Variants in BCHE observed in about 807,000 individuals in gnomAD.
The protein encoded by BCHE is cholinesterase.
A neutral mutation model predicts 51.3 loss-of-function variants in BCHE; 48 were observed. That is an observed-to-expected ratio of 0.94 (90% confidence interval 0.74 to 1.19). The LOEUF (loss-of-function observed/expected upper bound fraction) is 1.19, where lower values mean the gene tolerates loss of function less well. BCHE is among the 50% of genes most tolerant of loss of function. The probability of loss-of-function intolerance (pLI) is 0.00; values close to 1 mark genes in which losing one functional copy is unlikely to be tolerated. For missense variants in BCHE, 847 were observed against 708.2 expected (o/e 1.20, Z -2.23); for synonymous variants, 251 against 238.0 (o/e 1.05, Z -0.50).
In BCHE at chr3:165,773,430, A is replaced by G. The variant is rs767826363; in HGVS notation, c.1761T>C (p.Asn587=). Residue 587 remains asparagine (N), a synonymous_variant, in exon 4 of 4, where the codon AAT becomes AAC. Coordinates refer to ENST00000264381, the MANE Select transcript of BCHE (RefSeq NM_000055.4). ...RWNNYMMDWK[N]QFNDYTSKKE... ...TCTTGCTAGTGTAATCGTTAAATTG[A>G]TTTTTCCAGTCCATCATGTAATTGT... 21 of 1,610,386 alleles carry G rather than the reference A, an allele frequency of 1.3e-5. No homozygotes were observed. The highest frequency in any genetic ancestry group is 3.3e-5 in the Admixed American group (2 of 59,914).
chr3:165,800,679 A>G (rs1713602280), intron 2 of BCHE, among the ~76,000 whole-genome samples: 1 of 152,124 alleles, frequency 6.6e-6, no homozygotes, highest in African/African-American at 2.4e-5. Context: ...GAAATGGCAT[A>G]TGAGGGCTAG....
chr3:165,804,342 TAAAC>T (rs930543166), intron 2 of BCHE, among the ~76,000 whole-genome samples: 8 of 152,266 alleles, frequency 5.3e-5, no homozygotes, highest in African/African-American at 1.4e-4. Context: ...AAGTAGCTAT[TAAAC>T]AATGTGAAGT....
At chr3:165,775,943 CTT>C (rs1415101725) in intron 3 of BCHE, among the ~76,000 whole-genome samples, 1 of 151,892 alleles carries the variant, frequency 6.6e-6, no homozygotes, top group Non-Finnish European at 1.5e-5. Context: ...GTCCGCCTCT[CTT>C]TCTTTGTCTT....
Position 165,829,884 on chromosome 3 carries a change from T to A in BCHE, c.1150A>T (p.Ile384Leu), listed in dbSNP as rs146936556. ...TRKEFQEGLK[I>L]FFPGVSEFGK... Reference sequence around the variant, plus strand: ...AACTCACTCACTCCTGGAAAAAATATTTTTAAACCTTCCTGAAATTCTTTT... The same window carrying A: ...AACTCACTCACTCCTGGAAAAAATAATTTTAAACCTTCCTGAAATTCTTTT... Residue 384 changes from isoleucine (I) to leucine (L), a missense_variant, in exon 2 of 4, where the codon ATA becomes TTA. Physicochemically the swap from Ile to Leu is conservative, Grantham distance 5. Coordinates refer to ENST00000264381, the MANE Select transcript of BCHE (RefSeq NM_000055.4). The A allele has an allele frequency of 6.2e-7, 1 of 1,611,476 alleles. No homozygotes were observed. Among genetic ancestry groups the A allele is most frequent in the East Asian group, 2.2e-5 (1 of 44,848 alleles).
chr3:165,804,354 A>G (rs1412940909), intron 2 of BCHE, among the ~76,000 whole-genome samples: 1 of 152,160 alleles, frequency 6.6e-6, no homozygotes, highest in African/African-American at 2.4e-5. Context: ...AACAATGTGA[A>G]GTCTTTTTTT....
At chr3:165,813,869 A>G (rs1714202652) in intron 2 of BCHE, among the ~76,000 whole-genome samples, 1 of 152,012 alleles carries the variant, frequency 6.6e-6, no homozygotes, top group Non-Finnish European at 1.5e-5. Context: ...TATCACCTAT[A>G]ATTTAAGGTA....
At chr3:165,823,110 C>G (rs980273657) in intron 2 of BCHE, among the ~76,000 whole-genome samples, 2 of 151,972 alleles carry the variant, frequency 1.3e-5, no homozygotes, top group African/African-American at 4.8e-5. Context: ...GTAGCAATTC[C>G]AGTTAGCAAA....
intron 1 of BCHE, among the ~76,000 whole-genome samples, chr3:165,831,519 G>T (rs1576672447): frequency 6.6e-6 from 1 of 152,096 alleles, no homozygotes; most frequent in East Asian, 1.9e-4. Flanking sequence ...AACTTTTAAG[G>T]ATCAATAGAT....
intron 2 of BCHE, among the ~76,000 whole-genome samples, chr3:165,788,433 T>C (rs1713042916): frequency 6.6e-6 from 1 of 152,018 alleles, no homozygotes; most frequent in Non-Finnish European, 1.5e-5. Context: ...CCTCCTGCTT[T>C]AGGGTATTAT....
chr3:165,787,529 A>G (rs1187311209), intron 2 of BCHE, among the ~76,000 whole-genome samples: 1 of 151,952 alleles, frequency 6.6e-6, no homozygotes, highest in Middle Eastern at 3.2e-3. Context: ...CTTGAAAGGA[A>G]ATTACCTGAT....
At chr3:165,783,104 T>C (rs1712772465) in intron 3 of BCHE, among the ~76,000 whole-genome samples, 1 of 149,896 alleles carries the variant, frequency 6.7e-6, no homozygotes, top group Admixed American at 6.6e-5. Context: ...TCTGCCATCA[T>C]AATTAAGAAA....
intron 2 of BCHE, among the ~76,000 whole-genome samples, chr3:165,807,784 G>A (rs1457389726): frequency 6.6e-6 from 1 of 151,646 alleles, no homozygotes; most frequent in Non-Finnish European, 1.5e-5. Flanking sequence ...AGCTGGTGTT[G>A]AACTCCTGAC....
intron 2 of BCHE, among the ~76,000 whole-genome samples, chr3:165,803,565 A>T (rs1415721249): frequency 1.3e-5 from 2 of 152,196 alleles, no homozygotes; most frequent in African/African-American, 4.8e-5. Flanking sequence ...AAATTACTAA[A>T]TATGTAATGG....
At chr3:165,828,940 C>CAGTCAAACA (rs1714841077) in intron 2 of BCHE, among the ~76,000 whole-genome samples, 3 of 152,000 alleles carry the variant, frequency 2.0e-5, no homozygotes, top group Admixed American at 2.0e-4. Flanking sequence ...CTCATGGCCC[C>CAGTCAAACA]AGTCAAACAC....
chr3:165,786,404 A>G, intron 2 of BCHE, 93 bp from the exon 3 acceptor site: 1 of 1,212,022 alleles, frequency 8.3e-7, no homozygotes, highest in Non-Finnish European at 1.2e-6. Context: ...AAGAGCTTTA[A>G]AGAATTTAAG....
In BCHE at chr3:165,829,772, A is replaced by G; in HGVS notation, c.1262T>C (p.Val421Ala). 6.2e-7 allele frequency: 1 copy of G among 1,613,840 alleles called. No homozygotes were observed. The highest frequency in any genetic ancestry group is 1.1e-5 in the South Asian group (1 of 91,076). The change falls in exon 2 of 4, where the codon GTT becomes GCT. Residue 421 changes from valine to alanine, a missense_variant. Coordinates refer to ENST00000264381, the MANE Select transcript of BCHE (RefSeq NM_000055.4). ...ENYREALGDV[V>A]GDYNFICPAL... Reference sequence around the variant, plus strand: ...AGGGCATATGAAATTATAATCCCCAACAACATCACCCAAGGCCTCACGGTA... The same window carrying G: ...AGGGCATATGAAATTATAATCCCCAGCAACATCACCCAAGGCCTCACGGTA...
intron 2 of BCHE, among the ~76,000 whole-genome samples, chr3:165,814,218 A>AT (rs144560041): frequency 0.096 from 14,652 of 151,974 alleles, 770 homozygotes; most frequent in Admixed American, 0.14. Context: ...CAAATAACAC[A>AT]TTTTCTGGTT....
rs141692755 is a variant in BCHE at position 165,826,426 on chromosome 3, C to T, written c.1517+3091G>A. On this transcript the variant is annotated intron_variant, in intron 2 of 3. Coordinates refer to ENST00000264381, the MANE Select transcript of BCHE (RefSeq NM_000055.4). Reference sequence around the variant, plus strand: ...AGGCTATGATACCATGAATATAAAGCTCTAGAAAAGGTAAAACTAATCTAT... The same window carrying T: ...AGGCTATGATACCATGAATATAAAGTTCTAGAAAAGGTAAAACTAATCTAT... Among the ~76,000 whole-genome samples, 703 of 152,024 alleles carry T rather than the reference C, an allele frequency of 4.6e-3. 1 individual carries two copies. The highest frequency in any genetic ancestry group is 7.9e-3 in the South Asian group (38 of 4,814).
chr3:165,828,007 T>C (rs1164092765), intron 2 of BCHE: 3 of 455,832 alleles, frequency 6.6e-6, no homozygotes, highest in Non-Finnish European at 1.3e-5. Flanking sequence ...CTTCAATGAA[T>C]ATCAAATCAA....
Sources: allele counts gnomAD v4.1 joint callset (sites outside exome capture counted in the v4.1 genomes callset), GRCh38; gene constraint gnomAD v4.1.1; transcripts MANE v1.5; gene names NCBI Gene and HGNC (gene_info 2026-07-23, HGNC 2026-07-21).